GRID1: variants seen among roughly 807,000 people sequenced by gnomAD.
The protein encoded by GRID1 is glutamate ionotropic receptor delta type subunit 1.
A neutral mutation model predicts 98.0 loss-of-function variants in GRID1; 28 were observed. That is an observed-to-expected ratio of 0.29 (90% CI 0.21 to 0.39). The LOEUF (loss-of-function observed/expected upper bound fraction) is 0.39, where lower values mean the gene tolerates loss of function less well. GRID1 is among the 10% of genes least tolerant of loss of function. The pLI is 1.00. For synonymous variants in GRID1, 553 were observed against 538.5 expected (o/e 1.03, Z -0.37); for missense variants, 1,111 against 1,340.5 (o/e 0.83, Z 2.67).
intron 12 of GRID1, among the ~76,000 whole-genome samples, chr10:85,688,171 T>C (rs775473463): frequency 2.0e-5 from 3 of 152,178 alleles, no homozygotes; most frequent in Non-Finnish European, 4.4e-5. Flanking sequence ...AACTTGTGAT[T>C]GAAACATCAG....
chr10:86,343,348 G>C (rs1280019122), intron 2 of GRID1, among the ~76,000 whole-genome samples: 2 of 152,200 alleles, frequency 1.3e-5, no homozygotes, highest in East Asian at 3.8e-4. Flanking sequence ...ATGTTACTGG[G>C]AGAATATGGG....
chr10:85,646,097 G>A (rs548984515), intron 13 of GRID1: 111 of 149,446 alleles, frequency 7.4e-4, no homozygotes, highest in African/African-American at 2.6e-3. Flanking sequence ...GGCTGGGGGG[G>A]CAGCACAGGG....
At chr10:85,659,404 G>C (rs561215673) in intron 12 of GRID1, among the ~76,000 whole-genome samples, 1 of 152,284 alleles carries the variant, frequency 6.6e-6, no homozygotes, top group East Asian at 1.9e-4. Flanking sequence ...AAAGGAGGTG[G>C]ACTCATGTGG....
chr10:85,952,142 G>A (rs1024548948), intron 4 of GRID1, among the ~76,000 whole-genome samples: 4 of 152,166 alleles, frequency 2.6e-5, no homozygotes, highest in African/African-American at 9.7e-5. Flanking sequence ...TGCCTACATG[G>A]GAATGGCATC....
At chr10:85,965,464 A>G (rs1208087421) in intron 4 of GRID1, among the ~76,000 whole-genome samples, 1 of 152,180 alleles carries the variant, frequency 6.6e-6, no homozygotes, top group Non-Finnish European at 1.5e-5. Flanking sequence ...CCAGAAAAAA[A>G]GATGAGTTCA....
intron 12 of GRID1, among the ~76,000 whole-genome samples, chr10:85,682,725 C>T (rs1326290238): frequency 2.2e-4 from 33 of 152,226 alleles, no homozygotes; most frequent in Admixed American, 2.2e-3. Flanking sequence ...CCAATGGAGG[C>T]CAAGGCCTTC....
At chr10:85,702,314 G>C (rs113459023) in intron 12 of GRID1, among the ~76,000 whole-genome samples, 448 of 151,982 alleles carry the variant, frequency 2.9e-3, no homozygotes, top group African/African-American at 8.5e-3. Context: ...TTGCTAAAAG[G>C]CATGTGAAAA....
rs116856829 is a variant in GRID1, at chr10:86,204,468, C to T, written c.520+1896G>A. The stretch of plus-strand genomic sequence containing the variant: ...GGCAGGACGAGCATGTCTGCGAGAG[C>T]GTGTAACCAAGCTGCCAGCTCTGTA... On this transcript the variant is annotated intron_variant, in intron 3 of 15. Coordinates refer to ENST00000327946, the MANE Select transcript of GRID1 (RefSeq NM_017551.3). Among the ~76,000 whole-genome samples, 688 of 152,292 alleles carry T rather than the reference C, an allele frequency of 4.5e-3. 19 individuals carry two copies. The East Asian group carries it at 0.08, about 18-fold the overall frequency.
chr10:85,773,925 A>G (rs1038988636), intron 8 of GRID1, among the ~76,000 whole-genome samples: 3 of 152,366 alleles, frequency 2.0e-5, no homozygotes, highest in African/African-American at 7.2e-5. Flanking sequence ...ATTCAATGCC[A>G]TTCCCATCAA....
chr10:85,698,784 T>C (rs1159096329), intron 12 of GRID1, among the ~76,000 whole-genome samples: 1 of 152,342 alleles, frequency 6.6e-6, no homozygotes, highest in East Asian at 1.9e-4. Context: ...TAAGACCTTT[T>C]GTTGCTTCAT....
Position 86,081,720 on chromosome 10 carries a change from G to A in GRID1, c.726+57099C>T, listed in dbSNP as rs146530542. Among the ~76,000 whole-genome samples the A allele has an allele frequency of 3.6e-3, 547 of 152,256 alleles. 4 individuals carry two copies. Among genetic ancestry groups the A allele is most frequent in the African/African-American group, 0.012 (505 of 41,546 alleles). ...GAGCTATCAAGCCATGACAAGGCAC[G>A]GAGGAAACTTAAATGCATATTGCTA... On this transcript the variant is annotated intron_variant, in intron 4 of 15. Transcript: ENST00000327946.
chr10:85,660,983 G>T (rs1840959426), intron 12 of GRID1, among the ~76,000 whole-genome samples: 1 of 152,108 alleles, frequency 6.6e-6, no homozygotes, highest in Non-Finnish European at 1.5e-5. Flanking sequence ...TTCAAGCAGA[G>T]CACTAAGCAT....
rs370017476 is a variant in GRID1 at position 85,727,913 on chromosome 10, T to C, written c.1475A>G (p.Tyr492Cys). The C allele has an allele frequency of 3.1e-6, 5 of 1,613,888 alleles. 1 individual carries two copies. Among genetic ancestry groups the C allele is most frequent in the Non-Finnish European group, 4.2e-6 (5 of 1,179,912 alleles). The change falls in exon 10 of 16, where the codon TAC (tyrosine) becomes TGC (cysteine). Residue 492 changes from tyrosine (Y) to cysteine (C), a missense_variant. Physicochemically the swap from Tyr to Cys is radical, Grantham distance 194. Coordinates refer to ENST00000327946, the MANE Select transcript of GRID1 (RefSeq NM_017551.3). Reference sequence around the variant, plus strand: ...GGAGGTGTTATGGAGCTGGTGACCGTACCTGCCATCAGGGGCTTGGTAAAT... The same window carrying C: ...GGAGGTGTTATGGAGCTGGTGACCGCACCTGCCATCAGGGGCTTGGTAAAT... ...YEIYQAPDGR[Y>C]GHQLHNTSWN... is the part of the protein sequence containing the mutation.
Position 85,698,490 on chromosome 10 carries a change from G to A in GRID1, c.1997+24513C>T, listed in dbSNP as rs574464271. Among the ~76,000 whole-genome samples the A allele has an allele frequency of 1.4e-3, 208 of 152,206 alleles. 1 individual carries two copies. The highest frequency in any genetic ancestry group is 2.2e-3 in the Non-Finnish European group (149 of 68,024). ...TCCACCATGTTTTTTCAACCTGATA[G>A]CTCATTTTTTTTCTTTTTAGCACTG... On this transcript the variant is annotated intron_variant, in intron 12 of 15. Coordinates refer to ENST00000327946, the MANE Select transcript of GRID1 (RefSeq NM_017551.3).
rs1841623492 is a variant in GRID1, at chr10:85,916,538, T to A, written c.727-299A>T. The stretch of plus-strand genomic sequence containing the variant: ...GGCACAGGCACAGGCACAGCCCCCC[T>A]TCCCTAGGAATGCCTGCAAACACCT... On this transcript the variant is annotated intron_variant, in intron 4 of 15. Transcript: ENST00000327946. This position sits in a 1 kb window ranked among gnomAD's most constrained non-coding sequence, Gnocchi z 4.0. 6.6e-6 allele frequency among the ~76,000 whole-genome samples: 1 copy of A among 152,164 alleles called. No individual in the cohort carries two copies. Among genetic ancestry groups the A allele is most frequent in the Non-Finnish European group, 1.5e-5 (1 of 68,022 alleles).
At chr10:86,162,390 C>T (rs881344) in intron 3 of GRID1, among the ~76,000 whole-genome samples, 2 of 152,018 alleles carry the variant, frequency 1.3e-5, no homozygotes, top group Non-Finnish European at 2.9e-5. Context: ...CATACATCCC[C>T]ATCCCAGCCA....
chr10:86,114,028 C>T (rs746827710), intron 4 of GRID1, among the ~76,000 whole-genome samples: 4 of 152,018 alleles, frequency 2.6e-5, no homozygotes, highest in Non-Finnish European at 4.4e-5. Context: ...GATGAGCATC[C>T]TTCTAAGCAC....
chr10:85,764,896 T>C (rs1842182850), intron 8 of GRID1, among the ~76,000 whole-genome samples: 1 of 152,038 alleles, frequency 6.6e-6, no homozygotes, highest in African/African-American at 2.4e-5. Context: ...TGTCTGAAAA[T>C]AGAAAGGGTC....
chr10:86,047,188 C>T (rs1843436163), intron 4 of GRID1, among the ~76,000 whole-genome samples: 1 of 152,220 alleles, frequency 6.6e-6, no homozygotes, highest in Non-Finnish European at 1.5e-5. Flanking sequence ...GACAGCTCCC[C>T]AGCAGGAAAC....
Sources: allele counts gnomAD v4.1 joint callset (sites outside exome capture counted in the v4.1 genomes callset), GRCh38; gene constraint gnomAD v4.1.1; non-coding constraint Gnocchi (gnomAD v3.1); transcripts MANE v1.5; gene names NCBI Gene and HGNC (gene_info 2026-07-23, HGNC 2026-07-21).